The following ZNRF3 variants were observed in gnomAD, a reference collection of about 807,000 sequenced individuals.
ZNRF3 encodes the protein E3 ubiquitin-protein ligase ZNRF3.
ZNRF3 carries 23 observed loss-of-function variants against 72.5 expected under a neutral mutation model. The ratio of observed to expected loss-of-function variants is 0.32; its 90% confidence interval spans 0.23 to 0.45. The LOEUF is 0.45. Among genes scored for constraint, ZNRF3 ranks in the 20% least tolerant of loss-of-function variants. The pLI, the probability that ZNRF3 is intolerant of heterozygous loss-of-function variation, is 1.00. For missense variants in ZNRF3, 1,169 were observed against 1,272.1 expected (o/e 0.92, Z 1.23); for synonymous variants, 610 against 545.3 (o/e 1.12, Z -1.65).
rs1471378071 is a variant in ZNRF3 at position 29,042,514 on chromosome 22, G to T, written c.446G>T (p.Arg149Leu). The T allele has an allele frequency of 6.2e-7, 1 of 1,613,730 alleles. No homozygotes were observed. The highest frequency in any genetic ancestry group is 1.7e-5 in the Admixed American group (1 of 60,004). Residue 149 changes from arginine (R) to leucine (L), a missense_variant, in exon 3 of 9, where the codon CGG becomes CTG. Coordinates refer to ENST00000544604, the MANE Select transcript of ZNRF3 (RefSeq NM_001206998.2). Reference sequence around the variant, plus strand: ...TGGCAGGCCAAGCGAGCAGTACAGCGGGGAGCTACTGCAGTCATCTTTGAT... The same window carrying T: ...TGGCAGGCCAAGCGAGCAGTACAGCTGGGAGCTACTGCAGTCATCTTTGAT... ...VLGKAKRAVQ[R>L]GATAVIFDVS...
intron 2 of ZNRF3, among the ~76,000 whole-genome samples, chr22:29,020,237 G>A (rs923741031): frequency 3.6e-5 from 5 of 137,772 alleles, no homozygotes; most frequent in African/African-American, 1.1e-4. Flanking sequence ...GTTCAGTACA[G>A]ACACAACCAT....
rs1456075332 is a variant in ZNRF3, at chr22:29,049,661, G to A, written c.1480G>A (p.Gly494Ser). 6.2e-7 allele frequency: 1 copy of A among 1,609,228 alleles called. No homozygotes were observed. The highest frequency in any genetic ancestry group is 1.1e-5 in the South Asian group (1 of 90,884). The change falls in exon 8 of 9, where the codon GGC (glycine) becomes AGC (serine). Residue 494 changes from glycine (G) to serine (S), a missense_variant. Physicochemically the swap from Gly to Ser is moderately conservative, Grantham distance 56 (BLOSUM62 0). This residue lies in a region of ZNRF3 where 783 missense variants were observed against 731.4 expected (regional missense o/e 1.07). Coordinates refer to ENST00000544604, the MANE Select transcript of ZNRF3 (RefSeq NM_001206998.2). The surrounding 1 kb of genome is among the most constrained non-coding windows in gnomAD (Gnocchi z 5.2). ...GTCCCCACCTAGCCTCGCACCCCGG[G>A]GCCCGGCCCGTGCCTTTCCTCCGAG... is the stretch of plus-strand genomic sequence containing the variant. ...GQSPPSLAPR[G>S]PARAFPPSGS...
At chr22:29,033,161 C>T (rs544202696) in intron 2 of ZNRF3, among the ~76,000 whole-genome samples, 120 of 152,154 alleles carry the variant, frequency 7.9e-4, no homozygotes, top group Admixed American at 2.2e-3. Flanking sequence ...ACCAGCCTGG[C>T]CAACATGGCG....
intron 1 of ZNRF3, among the ~76,000 whole-genome samples, chr22:28,904,904 G>A (rs2034177215): frequency 6.6e-6 from 1 of 150,644 alleles, no homozygotes; most frequent in Admixed American, 6.6e-5. Context: ...AGAGCTTTCA[G>A]ACTATCATGC....
At chr22:28,928,598 A>G (rs1440612037) in intron 1 of ZNRF3, among the ~76,000 whole-genome samples, 1 of 148,834 alleles carries the variant, frequency 6.7e-6, no homozygotes. Context: ...GGTTTAAGCA[A>G]TTCTCCTGCC....
chr22:29,009,067 C>T (rs750271827), intron 2 of ZNRF3, among the ~76,000 whole-genome samples: 2 of 152,194 alleles, frequency 1.3e-5, no homozygotes, highest in Non-Finnish European at 1.5e-5. Flanking sequence ...CGGCCTCCCT[C>T]CTTGGTACTG....
intron 4 of ZNRF3, among the ~76,000 whole-genome samples, chr22:29,044,289 AG>A (rs1324929515): frequency 6.6e-6 from 1 of 152,136 alleles, no homozygotes; most frequent in Non-Finnish European, 1.5e-5. Context: ...TTCTTTTTAA[AG>A]GGAAAAAAAA....
chr22:29,009,967 C>T (rs182279725), intron 2 of ZNRF3, among the ~76,000 whole-genome samples: 7,809 of 142,068 alleles, frequency 0.055, 420 homozygotes, highest in African/African-American at 0.15. Context: ...AGTCCAGTGG[C>T]TCAATCTCGG....
At chr22:28,913,643 A>T (rs544503353) in intron 1 of ZNRF3, among the ~76,000 whole-genome samples, 5 of 152,250 alleles carry the variant, frequency 3.3e-5, no homozygotes, top group African/African-American at 1.2e-4. Flanking sequence ...TAATTGGGTG[A>T]TGGGGTATAG....
chr22:28,962,967 T>C (rs139012403), intron 1 of ZNRF3, among the ~76,000 whole-genome samples: 133 of 152,286 alleles, frequency 8.7e-4, no homozygotes, highest in African/African-American at 3.2e-3. Context: ...GAGGGTTATT[T>C]TGTGACTTCA....
intron 1 of ZNRF3, among the ~76,000 whole-genome samples, chr22:28,889,318 C>A (rs75506520): frequency 0.015 from 2,270 of 152,268 alleles, 67 homozygotes; most frequent in African/African-American, 0.051. Context: ...TGTCTATGGG[C>A]AGTTACAACT....
At chr22:29,000,274 A>G (rs527576135) in intron 2 of ZNRF3, among the ~76,000 whole-genome samples, 1 of 152,250 alleles carries the variant, frequency 6.6e-6, no homozygotes, top group South Asian at 2.1e-4. Flanking sequence ...CTTGTGCTAT[A>G]TATAAAGGTA....
chr22:28,941,426 GATAAA>G lies in ZNRF3; in HGVS notation c.301-45645_301-45641del, dbSNP rs2034945673. ...TATGCAATTCTAAGCTTACCAAACTGATAAAATAAGATGACTTTATTACTTTTATT... is the reference window on the plus strand; with the variant it reads ...TATGCAATTCTAAGCTTACCAAACTGATAAGATGACTTTATTACTTTTATT... On this transcript the variant is annotated intron_variant, in intron 1 of 8. Transcript: ENST00000544604. Among the ~76,000 whole-genome samples, 8 of 152,252 alleles carry G rather than the reference GATAAA, an allele frequency of 5.3e-5. No individual in the cohort carries two copies. In the South Asian group the frequency reaches 1.5e-3, roughly 28 times the overall value.
chr22:28,929,765 C>T (rs1010496345), intron 1 of ZNRF3, among the ~76,000 whole-genome samples: 1 of 152,090 alleles, frequency 6.6e-6, no homozygotes, highest in Non-Finnish European at 1.5e-5. Context: ...CTGTTGGGAC[C>T]TGTAGGTGGT....
At chr22:29,012,305 C>G (rs1332909303) in intron 2 of ZNRF3, among the ~76,000 whole-genome samples, 1 of 152,184 alleles carries the variant, frequency 6.6e-6, no homozygotes, top group Non-Finnish European at 1.5e-5. Context: ...ACTATTGGAT[C>G]TAAACAGTGA....
At chr22:28,915,314 A>G (rs751815257) in intron 1 of ZNRF3, among the ~76,000 whole-genome samples, 2 of 152,096 alleles carry the variant, frequency 1.3e-5, no homozygotes, top group Non-Finnish European at 2.9e-5. Flanking sequence ...TCTGTGTCCA[A>G]ATTTTCTCTT....
Position 28,887,235 on chromosome 22 carries a change from A to AGAGTGT in ZNRF3, c.300+3170_300+3171insAGTGTG, listed in dbSNP as rs376319811. Among the ~76,000 whole-genome samples the AGAGTGT allele has an allele frequency of 1.8e-3, 167 of 93,170 alleles. 1 individual carries two copies. The highest frequency in any genetic ancestry group is 2.8e-3 in the Non-Finnish European group (124 of 44,210). The allele number at this position is 93,170 out of a possible 152,430, so 61.1% of individuals were successfully genotyped here. On this transcript the variant is annotated intron_variant, in intron 1 of 8. Coordinates refer to ENST00000544604, the MANE Select transcript of ZNRF3 (RefSeq NM_001206998.2). ...TATGCCAACGAAGAGAGAGAGAGAG[A>AGAGTGT]GTGTGTGTGTGTGTGTGTGTGTGTG...
intron 5 of ZNRF3, among the ~76,000 whole-genome samples, chr22:29,045,344 G>A (rs919409890): frequency 9.4e-5 from 12 of 127,272 alleles, no homozygotes; most frequent in African/African-American, 3.3e-4. Context: ...CTGGGTAACA[G>A]AGTAAGACCC....
intron 1 of ZNRF3, among the ~76,000 whole-genome samples, chr22:28,917,037 A>T (rs2034419366): frequency 6.6e-6 from 1 of 152,046 alleles, no homozygotes; most frequent in Non-Finnish European, 1.5e-5. Flanking sequence ...TTTATAGCAT[A>T]CTTTTCAGTG....
Sources: gnomAD v4.1 joint callset for allele counts (sites outside exome capture counted in the v4.1 genomes callset) on GRCh38, gnomAD v4.1.1 for gene constraint, gnomAD v4.1.1 regional missense constraint, Gnocchi (gnomAD v3.1) non-coding constraint, MANE v1.5 for transcripts, NCBI Gene and HGNC (gene_info 2026-07-23, HGNC 2026-07-21) for gene names.